NEB: variants seen among roughly 807,000 people sequenced by gnomAD.
NEB encodes nebulin.
In NEB, 512 loss-of-function variants were observed where a neutral mutation model predicts 952.2. The ratio of observed to expected loss-of-function variants is 0.54; its 90% confidence interval spans 0.50 to 0.58. NEB has a LOEUF of 0.58. Among genes scored for constraint, NEB ranks in the 20% least tolerant of loss-of-function variants. NEB has a pLI of 0.00. For missense variants in NEB, 8,428 were observed against 9,231.1 expected (o/e 0.91, Z 3.56); for synonymous variants, 2,900 against 3,149.8 (o/e 0.92, Z 2.66).
At chr2:151,529,033 G>T (rs528112985) in intron 146 of NEB, among the ~76,000 whole-genome samples, 177 bp downstream of exon 146, 14 of 152,298 alleles carry the variant, frequency 9.2e-5, no homozygotes, top group African/African-American at 3.4e-4. Flanking sequence ...ATGCTCCTTT[G>T]TGAGGACCAA....
At chr2:151,520,740 T>C (rs1266058736) in intron 153 of NEB, among the ~76,000 whole-genome samples, 1 of 151,838 alleles carries the variant, frequency 6.6e-6, no homozygotes, top group South Asian at 2.1e-4. Flanking sequence ...GGTGCACCCC[T>C]GTAGTCTCAG....
Position 151,696,013 on chromosome 2 carries a change from C to T in NEB, c.1570-331G>A, listed in dbSNP as rs1229712153. ...AGTGCTCACGTACCAGAGCCACTTT[C>T]CTTTCATCTGATTAAGAGTCCTCTC... On this transcript the variant is annotated intron_variant, in intron 17 of 181. Transcript: ENST00000397345. 2.6e-5 allele frequency among the ~76,000 whole-genome samples: 4 copies of T among 152,196 alleles called. No individual in the cohort carries two copies. The East Asian group carries it at 5.8e-4, about 22-fold the overall frequency.
At chr2:151,508,131 T>A (rs2070792593) in intron 161 of NEB, 22 bp from the exon 162 acceptor site, 1 of 1,529,254 alleles carries the variant, frequency 6.5e-7, no homozygotes, top group Non-Finnish European at 9.0e-7. Context: ...TTCCAAGAAA[T>A]AAGGAGGGTA....
intron 141 of NEB, 129 bp from the exon 142 acceptor site, chr2:151,535,924 T>C (rs569014816): frequency 1.7e-6 from 1 of 594,754 alleles, no homozygotes; most frequent in South Asian, 2.1e-5. Flanking sequence ...TTTGTTTGTT[T>C]TGAGACAGGG....
chr2:151,729,641 C>T lies in NEB; in HGVS notation c.52G>A (p.Val18Met). 1 of 1,613,390 alleles carries T rather than the reference C, an allele frequency of 6.2e-7. No individual in the cohort carries two copies. ...TCTCCCGGCACCTCTTCGTAAACCA[C>T]TTCTTCTGTGTAGTACTGTAAATAG... Reference protein sequence around the residue: ...EEVVEYYTEEVVYEEVPGETI... With the variant: ...EEVVEYYTEEMVYEEVPGETI... The change falls in exon 4 of 182, where the codon GTG becomes ATG. Residue 18 changes from valine to methionine, a missense_variant. This residue lies in a region of NEB where 2,851 missense variants were observed against 2,791.5 expected (regional missense o/e 1.02). Transcript: ENST00000397345.
chr2:151,547,294 A>T, intron 133 of NEB, 135 bp downstream of exon 133: 5 of 666,762 alleles, frequency 7.5e-6, no homozygotes. Flanking sequence ...ACACTGTCTT[A>T]CCTCCAACTT....
chr2:151,560,504 C>T (rs1401867230), intron 124 of NEB, 88 bp downstream of exon 124: 35 of 1,027,876 alleles, frequency 3.4e-5, no homozygotes, highest in Non-Finnish European at 4.2e-5. Flanking sequence ...TTCTGGACAA[C>T]GTATGAATCA....
chr2:151,489,270 G>C (rs2054031865), intron 181 of NEB, among the ~76,000 whole-genome samples: 1 of 152,136 alleles, frequency 6.6e-6, no homozygotes, highest in East Asian at 1.9e-4. Context: ...ATGAGATCCA[G>C]GGTTTTAAAC....
chr2:151,655,436 A>G (rs1038751200), intron 50 of NEB, 62 bp from the exon 51 acceptor site: 40 of 890,526 alleles, frequency 4.5e-5, no homozygotes, highest in Non-Finnish European at 6.7e-5. Context: ...AAAGAAAAAT[A>G]TGTATTTATA....
chr2:151,517,638 G>A (rs1048490015), intron 156 of NEB, among the ~76,000 whole-genome samples: 2 of 152,124 alleles, frequency 1.3e-5, no homozygotes, highest in African/African-American at 2.4e-5. Flanking sequence ...TACACACCTA[G>A]GCTATATGGT....
intron 143 of NEB, 108 bp from the exon 144 acceptor site, chr2:151,532,004 C>T: frequency 3.1e-6 from 2 of 655,024 alleles, no homozygotes; most frequent in East Asian, 2.8e-5. Flanking sequence ...CTAGCTTTCT[C>T]TTTAATTCCT....
intron 146 of NEB, among the ~76,000 whole-genome samples, chr2:151,528,271 G>A (rs764373753): frequency 2.4e-4 from 36 of 152,146 alleles, no homozygotes; most frequent in Admixed American, 1.2e-3. Flanking sequence ...GGAGGAGCCT[G>A]CACTATTAGG....
intron 35 of NEB, 108 bp from the exon 36 acceptor site, chr2:151,674,692 T>C: frequency 3.8e-6 from 3 of 785,348 alleles, no homozygotes; most frequent in Non-Finnish European, 6.5e-6. Context: ...TCATAGCACA[T>C]ACTGCTTTAG....
rs746289376 is a variant in NEB, at chr2:151,633,895, G to C, written c.9173C>G (p.Pro3058Arg). The C allele has an allele frequency of 3.7e-6, 6 of 1,613,930 alleles. No individual in the cohort carries two copies. In the East Asian group the frequency reaches 1.1e-4, roughly 30 times the overall value. ...TACGTGCATGGACCACATCATCTTG[G>C]GGTCATCTTCAATGTTCCGGGCTCC... ...HIGARNIEDD[P>R]KMMWSMHVAK... The change falls in exon 65 of 182, where the codon CCC becomes CGC. Residue 3058 changes from proline (P) to arginine (R), a missense_variant. Transcript: ENST00000397345.
chr2:151,559,324 G>A (rs927932997), intron 124 of NEB, among the ~76,000 whole-genome samples: 1 of 152,130 alleles, frequency 6.6e-6, no homozygotes, highest in South Asian at 2.1e-4. Flanking sequence ...GAAATAGGAA[G>A]ACTTTTACAC....
chr2:151,514,554 A>G, intron 158 of NEB, 126 bp from the exon 159 acceptor site: 1 of 778,388 alleles, frequency 1.3e-6, no homozygotes, highest in Non-Finnish European at 2.2e-6. Context: ...AAAAATATGA[A>G]TACAGGCAGG....
chr2:151,628,550 C>T (rs182472638), intron 68 of NEB, among the ~76,000 whole-genome samples: 1 of 152,100 alleles, frequency 6.6e-6, no homozygotes, highest in Non-Finnish European at 1.5e-5. Context: ...TACAGAAGTC[C>T]GAATTTTCAG....
chr2:151,487,012 A>G (rs954812305), intron 181 of NEB, among the ~76,000 whole-genome samples: 11 of 152,168 alleles, frequency 7.2e-5, no homozygotes, highest in African/African-American at 2.4e-4. Flanking sequence ...TGTACACTTT[A>G]TGAACTTCAT....
intron 9 of NEB, among the ~76,000 whole-genome samples, chr2:151,719,266 T>C (rs1438236842): frequency 1.3e-5 from 2 of 152,246 alleles, no homozygotes; most frequent in African/African-American, 4.8e-5. Flanking sequence ...GACATCTCAA[T>C]GTGTGTCTTA....
Sources: gnomAD v4.1 joint callset for allele counts (sites outside exome capture counted in the v4.1 genomes callset) on GRCh38, gnomAD v4.1.1 for gene constraint, gnomAD v4.1.1 regional missense constraint, MANE v1.5 for transcripts, NCBI Gene and HGNC (gene_info 2026-07-23, HGNC 2026-07-21) for gene names.